The following CFH variants were observed in gnomAD, a reference collection of about 807,000 sequenced individuals.
The protein encoded by CFH is complement factor H.
Under a neutral mutation model 147.3 loss-of-function variants are expected in CFH, and 53 were observed. The ratio of observed to expected loss-of-function variants is 0.36; its 90% CI spans 0.29 to 0.45. The LOEUF (loss-of-function observed/expected upper bound fraction) is 0.45, where lower values mean the gene tolerates loss of function less well. Ranked by LOEUF, CFH falls within the 20% of genes least tolerant of loss-of-function variation. The pLI is 1.00. For synonymous variants in CFH, 536 were observed against 489.4 expected, an observed-to-expected ratio of 1.10 and a Z score of -1.26; for missense variants, 1,380 against 1,498.0, an observed-to-expected ratio of 0.92 and a Z score of 1.30.
intron 1 of CFH, among the ~76,000 whole-genome samples, chr1:196,667,337 G>C (rs1400051618): frequency 6.6e-6 from 1 of 152,092 alleles, no homozygotes; most frequent in African/African-American, 2.4e-5. Context: ...GTGTATAATT[G>C]GCTCCTATGA....
chr1:196,684,007 C>CAT (rs1352619450), intron 6 of CFH, among the ~76,000 whole-genome samples: 1 of 151,850 alleles, frequency 6.6e-6, no homozygotes, highest in Non-Finnish European at 1.5e-5. Context: ...TAGAAGTGGT[C>CAT]ATATAGTTTT....
intron 9 of CFH, chr1:196,692,261 T>G (rs1377971507): frequency 5.5e-6 from 1 of 181,812 alleles, no homozygotes; most frequent in African/African-American, 2.4e-5. Context: ...AGTATGGATA[T>G]GACTTTTCAC....
At chr1:196,677,428 A>G in intron 4 of CFH, 48 bp from the exon 5 acceptor site, 1 of 1,555,674 alleles carries the variant, frequency 6.4e-7, no homozygotes. Flanking sequence ...ATTTTTCACA[A>G]TAAACTTTTA....
chr1:196,714,678 G>T (rs866536685), intron 10 of CFH, among the ~76,000 whole-genome samples: 490 of 41,470 alleles, frequency 0.012, no homozygotes, highest in Non-Finnish European at 0.017. Context: ...TAGAGAGAGA[G>T]AGAGAGAGAG....
chr1:196,707,416 T>C (rs1668617455), intron 9 of CFH, among the ~76,000 whole-genome samples: 1 of 152,232 alleles, frequency 6.6e-6, no homozygotes, highest in South Asian at 2.1e-4. Context: ...ATTCACGAGT[T>C]TGTGGTTCCA....
At position 196,739,727 on chromosome 1, in the gene CFH, C is replaced by A. The variant is rs34932940; in HGVS notation, c.2783-892C>A. ...AACATTCTCCTGTCTTCTTCTGACCCCTCCAAATGGTTCTAACCCCTGCCT... is the reference window on the plus strand; with the variant it reads ...AACATTCTCCTGTCTTCTTCTGACCACTCCAAATGGTTCTAACCCCTGCCT... On this transcript the variant is annotated intron_variant, in intron 17 of 21. Coordinates refer to ENST00000367429, the MANE Select transcript of CFH (RefSeq NM_000186.4). Among the ~76,000 whole-genome samples, 7 of 152,238 alleles carry A rather than the reference C, an allele frequency of 4.6e-5. No individual in the cohort carries two copies. In the South Asian group the frequency reaches 1.4e-3, roughly 32 times the overall value.
At chr1:196,694,556 T>G (rs1157142604) in intron 9 of CFH, among the ~76,000 whole-genome samples, 1 of 152,200 alleles carries the variant, frequency 6.6e-6, no homozygotes, top group African/African-American at 2.4e-5. Flanking sequence ...TATCTCTGGT[T>G]CTTGATCTTT....
chr1:196,714,635 G>GTATATATATATATATATATATA (rs1176351357), intron 10 of CFH, among the ~76,000 whole-genome samples: 5 of 24,920 alleles, frequency 2.0e-4, no homozygotes, highest in Non-Finnish European at 2.9e-4. Flanking sequence ...ACGTATATAT[G>GTATATATATATATATATATATA]TATATATATA....
chr1:196,716,017 C>A (rs1430579927), intron 11 of CFH, among the ~76,000 whole-genome samples: 1 of 152,034 alleles, frequency 6.6e-6, no homozygotes, highest in Non-Finnish European at 1.5e-5. Flanking sequence ...GCTTTTGTTA[C>A]CCTAAATAAA....
intron 3 of CFH, among the ~76,000 whole-genome samples, chr1:196,674,752 T>C (rs1165366941): frequency 6.6e-6 from 1 of 152,102 alleles, no homozygotes; most frequent in African/African-American, 2.4e-5. Context: ...GTCACTGGAG[T>C]AAGCCTGCCT....
chr1:196,739,962 G>A (rs905798006), intron 17 of CFH, among the ~76,000 whole-genome samples: 9 of 152,118 alleles, frequency 5.9e-5, no homozygotes, highest in South Asian at 2.1e-4. Context: ...CTGGTGGAAG[G>A]GTAAGCAAAC....
At chr1:196,697,298 C>T in intron 9 of CFH, among the ~76,000 whole-genome samples, 1 of 152,002 alleles carries the variant, frequency 6.6e-6, no homozygotes, top group East Asian at 1.9e-4. Flanking sequence ...TGAACTCAAA[C>T]AAATTTACAA....
At chr1:196,715,279 A>T (rs1015484327) in intron 10 of CFH, among the ~76,000 whole-genome samples, 5 of 152,032 alleles carry the variant, frequency 3.3e-5, no homozygotes, top group African/African-American at 1.2e-4. Context: ...TTTAAAAAAT[A>T]ATGTATACCT....
chr1:196,731,598 C>T lies in CFH; in HGVS notation c.2413+3076C>T, dbSNP rs1451867275. 2.0e-5 allele frequency among the ~76,000 whole-genome samples: 3 copies of T among 151,960 alleles called. No homozygotes were observed. The East Asian group carries it at 5.8e-4, about 29-fold the overall frequency. On this transcript the variant is annotated intron_variant, in intron 15 of 21. Coordinates refer to ENST00000367429, the MANE Select transcript of CFH (RefSeq NM_000186.4). ...CTTACTTTTACTAGTAAGTTTTATACTTTAACATCTTCATGTTACTAATTA... is the reference window on the plus strand; with the variant it reads ...CTTACTTTTACTAGTAAGTTTTATATTTTAACATCTTCATGTTACTAATTA...
chr1:196,652,999 T>A lies in CFH; in HGVS notation c.58+824T>A, dbSNP rs1172204394. On this transcript the variant is annotated intron_variant, in intron 1 of 21. Coordinates refer to ENST00000367429, the MANE Select transcript of CFH (RefSeq NM_000186.4). ...GTGATAGATATTTGGTAAACATTTTTAAACTGAATGAATTACATATTATTC... is the reference window on the plus strand; with the variant it reads ...GTGATAGATATTTGGTAAACATTTTAAAACTGAATGAATTACATATTATTC... 2.6e-5 allele frequency among the ~76,000 whole-genome samples: 4 copies of A among 151,876 alleles called. No homozygotes were observed. The East Asian group carries it at 5.8e-4, about 22-fold the overall frequency.
Position 196,715,779 on chromosome 1 carries a change from G to C in CFH, c.1696+10G>C, listed in dbSNP as rs760597814. ...TTACCCATATGTTATGGTAAGTACT[G>C]GTTTTTCAGAAATTCATTTTCAAAA... On this transcript the variant is annotated intron_variant, in intron 11 of 21. Transcript: ENST00000367429. 7.0e-6 allele frequency: 11 copies of C among 1,577,406 alleles called. No homozygotes were observed. The highest frequency in any genetic ancestry group is 9.5e-6 in the Non-Finnish European group (11 of 1,160,422).
At chr1:196,720,286 T>C (rs1668968861) in intron 11 of CFH, among the ~76,000 whole-genome samples, 1 of 152,050 alleles carries the variant, frequency 6.6e-6, no homozygotes, top group South Asian at 2.1e-4. Context: ...AAATTTTAAT[T>C]TCTATGTTTT....
chr1:196,726,579 T>A lies in CFH; in HGVS notation c.1983T>A (p.Pro661=). Residue 661 remains proline (P), a synonymous_variant, in exon 13 of 22, where the codon CCT becomes CCA. Coordinates refer to ENST00000367429, the MANE Select transcript of CFH (RefSeq NM_000186.4). ...AAGTGGTGGAATATTATTGCAATCC[T>A]AGATTTCTAATGAAGGGACCTAATA... is the stretch of plus-strand genomic sequence containing the variant. ...HSEVVEYYCN[P]RFLMKGPNKI... is the part of the protein sequence containing the mutation. 1 of 1,612,938 alleles carries A rather than the reference T, an allele frequency of 6.2e-7. No homozygotes were observed. The highest frequency in any genetic ancestry group is 1.1e-5 in the South Asian group (1 of 91,062).
chr1:196,727,398 G>T (rs992415603), intron 14 of CFH, among the ~76,000 whole-genome samples: 1 of 152,010 alleles, frequency 6.6e-6, no homozygotes, highest in Non-Finnish European at 1.5e-5. Flanking sequence ...CAGCTACTTG[G>T]GAGGCTGAGG....
Sources: gnomAD v4.1 joint callset for allele counts (sites outside exome capture counted in the v4.1 genomes callset) on GRCh38, gnomAD v4.1.1 for gene constraint, MANE v1.5 for transcripts, NCBI Gene and HGNC (gene_info 2026-07-23, HGNC 2026-07-21) for gene names.